Variants in CCDC170 observed in about 807,000 individuals in gnomAD.
The protein encoded by CCDC170 is coiled-coil domain containing 170.
CCDC170 carries 69 observed loss-of-function variants against 72.6 expected under a neutral mutation model. The observed-to-expected ratio is 0.95, with a 90% CI of 0.78 to 1.16. The LOEUF (loss-of-function observed/expected upper bound fraction) is 1.16. CCDC170 is among the 50% of genes most tolerant of loss of function. The pLI is 0.00. For missense variants in CCDC170, 852 were observed against 832.5 expected (o/e 1.02, Z -0.29); for synonymous variants, 300 against 303.9 (o/e 0.99, Z 0.13).
intron 9 of CCDC170, among the ~76,000 whole-genome samples, chr6:151,613,175 G>A (rs546669465): frequency 2.9e-4 from 44 of 152,286 alleles, no homozygotes; most frequent in East Asian, 3.9e-4. Context: ...AGGCTGAGGC[G>A]AGAGGATCAC....
intron 9 of CCDC170, among the ~76,000 whole-genome samples, chr6:151,614,156 A>G (rs1776919974): frequency 6.6e-6 from 1 of 152,216 alleles, no homozygotes; most frequent in African/African-American, 2.4e-5. Flanking sequence ...TATTAAGTGT[A>G]CAATTCCATG....
chr6:151,609,677 T>A (rs1296075293), intron 9 of CCDC170, among the ~76,000 whole-genome samples: 12 of 152,120 alleles, frequency 7.9e-5, no homozygotes, highest in Admixed American at 7.9e-4. Flanking sequence ...CTGAGCTGGG[T>A]CTGAGGAGTT....
chr6:151,572,661 T>TG (rs1776239247), intron 5 of CCDC170, among the ~76,000 whole-genome samples: 1 of 137,234 alleles, frequency 7.3e-6, no homozygotes, highest in Non-Finnish European at 1.6e-5. Flanking sequence ...TTTTTTTTTT[T>TG]TTTTTTTTGA....
rs1347546154 is a variant in CCDC170, at chr6:151,621,036, T to G, written c.*2889T>G. 6.6e-6 allele frequency: 1 copy of G among 152,192 alleles called. No homozygotes were observed. Among genetic ancestry groups the G allele is most frequent in the Admixed American group, 6.5e-5 (1 of 15,278 alleles). The allele number at this position is 152,192 out of a possible 1,614,324, so 9.4% of individuals were successfully genotyped here. A position where few individuals can be genotyped will look rare whatever the true frequency, so the allele number is the denominator to read the frequency against. On this transcript the variant is annotated 3_prime_UTR_variant, in exon 11 of 11. Coordinates refer to ENST00000239374, the MANE Select transcript of CCDC170 (RefSeq NM_025059.4). The stretch of plus-strand genomic sequence containing the variant: ...AACATACTCAGAAATATGAAAAATG[T>G]TTGAATATGATCTTTAGGGACTTCT...
At chr6:151,586,568 G>A (rs1776453935) in intron 7 of CCDC170, among the ~76,000 whole-genome samples, 1 of 151,994 alleles carries the variant, frequency 6.6e-6, no homozygotes, top group Admixed American at 6.6e-5. Flanking sequence ...GAAACAGTTT[G>A]AAGAAAGGCA....
At chr6:151,604,243 G>A (rs1017204957) in intron 9 of CCDC170, among the ~76,000 whole-genome samples, 1 of 152,058 alleles carries the variant, frequency 6.6e-6, no homozygotes, top group African/African-American at 2.4e-5. Flanking sequence ...CCAACCCAAC[G>A]AGTATAGCCT....
chr6:151,598,211 C>T (rs1214639650), intron 9 of CCDC170, among the ~76,000 whole-genome samples: 1 of 152,140 alleles, frequency 6.6e-6, no homozygotes, highest in Non-Finnish European at 1.5e-5. Flanking sequence ...TCAACAGTCC[C>T]TTTGCAACTT....
At chr6:151,550,905 A>G (rs1307654098) in intron 5 of CCDC170, among the ~76,000 whole-genome samples, 1 of 152,174 alleles carries the variant, frequency 6.6e-6, no homozygotes, top group African/African-American at 2.4e-5. Flanking sequence ...CCACCCACAA[A>G]TACCATCACA....
chr6:151,522,762 C>T (rs1782342231), intron 1 of CCDC170, among the ~76,000 whole-genome samples: 2 of 152,152 alleles, frequency 1.3e-5, no homozygotes, highest in South Asian at 2.1e-4. Context: ...AGTGCTATTC[C>T]TTTTGTGGCA....
intron 5 of CCDC170, among the ~76,000 whole-genome samples, chr6:151,564,903 G>A (rs1045761369): frequency 1.3e-5 from 2 of 152,196 alleles, no homozygotes; most frequent in Non-Finnish European, 2.9e-5. Context: ...TCCTGGAGGA[G>A]TGCTTTGATA....
chr6:151,508,374 C>T (rs1782094286), intron 1 of CCDC170, among the ~76,000 whole-genome samples: 1 of 151,958 alleles, frequency 6.6e-6, no homozygotes, highest in Non-Finnish European at 1.5e-5. Context: ...CCTGCCTCTC[C>T]TAAAAATACA....
At chr6:151,559,594 A>T (rs998716344) in intron 5 of CCDC170, among the ~76,000 whole-genome samples, 1 of 152,056 alleles carries the variant, frequency 6.6e-6, no homozygotes, top group Non-Finnish European at 1.5e-5. Context: ...AAGCTTTAAG[A>T]GTTTTTTTGG....
At chr6:151,585,855 A>T (rs917061417) in intron 6 of CCDC170, 34 bp from the exon 7 acceptor site, 4 of 1,601,220 alleles carry the variant, frequency 2.5e-6, no homozygotes, top group Non-Finnish European at 3.4e-6. Flanking sequence ...CATCTGAAAC[A>T]AGGCTTATTC....
At chr6:151,544,862 A>C in intron 4 of CCDC170, 146 bp downstream of exon 4, 1 of 653,832 alleles carries the variant, frequency 1.5e-6, no homozygotes, top group Non-Finnish European at 2.5e-6. Context: ...ATGACTTGGG[A>C]CAAGTCACGT....
At chr6:151,564,960 G>A (rs1776107008) in intron 5 of CCDC170, among the ~76,000 whole-genome samples, 2 of 152,160 alleles carry the variant, frequency 1.3e-5, no homozygotes, top group Admixed American at 1.3e-4. Flanking sequence ...AGAAGGTGGG[G>A]TTGCTTTTAG....
At position 151,529,760 on chromosome 6, in the gene CCDC170, C is replaced by T. The variant is rs145462450; in HGVS notation, c.58-6558C>T. Among the ~76,000 whole-genome samples, 1,059 of 152,258 alleles carry T rather than the reference C, an allele frequency of 7.0e-3. 10 individuals carry two copies. Among genetic ancestry groups the T allele is most frequent in the African/African-American group, 0.024 (996 of 41,550 alleles). On this transcript the variant is annotated intron_variant, in intron 1 of 10. Transcript: ENST00000239374. ...TAAAGGAGATAATTGGAGAGTGGAGCGGCAGTGTCTTAGTCCAGTTTCTGT... is the reference window on the plus strand; with the variant it reads ...TAAAGGAGATAATTGGAGAGTGGAGTGGCAGTGTCTTAGTCCAGTTTCTGT...
rs549912738 is a variant in CCDC170, at chr6:151,615,527, A to G, written c.1795A>G (p.Lys599Glu). Residue 599 changes from lysine (K) to glutamate (E), a missense_variant, in exon 10 of 11, where the codon AAA becomes GAA. Transcript: ENST00000239374. ...QLEKMKEKAE[K>E]KLMSVKSELD... ...GGAGAAGATGAAGGAGAAAGCTGAG[A>G]AAAAGCTCATGTCTGTCAAGTCAGA... The G allele has an allele frequency of 6.2e-7, 1 of 1,614,174 alleles. No individual in the cohort carries two copies. Among genetic ancestry groups the G allele is most frequent in the African/African-American group, 1.3e-5 (1 of 75,068 alleles).
At chr6:151,509,940 T>C (rs567185984) in intron 1 of CCDC170, among the ~76,000 whole-genome samples, 11 of 152,112 alleles carry the variant, frequency 7.2e-5, no homozygotes, top group Middle Eastern at 3.4e-3. Flanking sequence ...CTGGCCAACA[T>C]AGTGAAACTC....
At position 151,618,961 on chromosome 6, in the gene CCDC170, A is replaced by G. The variant is rs924288164; in HGVS notation, c.*814A>G. 2 of 131,862 alleles carry G rather than the reference A, an allele frequency of 1.5e-5. No homozygotes were observed. Among genetic ancestry groups the G allele is most frequent in the Non-Finnish European group, 3.1e-5 (2 of 64,478 alleles). The allele number at this position is 131,862 out of a possible 1,614,324, so 8.2% of individuals were successfully genotyped here. On this transcript the variant is annotated 3_prime_UTR_variant, in exon 11 of 11. Coordinates refer to ENST00000239374, the MANE Select transcript of CCDC170 (RefSeq NM_025059.4). ...GGCGGCAGTGAGCCAAGATTGTGCC[A>G]CTGCACTCCAGCCTGGGCGACAGAG... is the stretch of plus-strand genomic sequence containing the variant.
Sources: allele counts gnomAD v4.1 joint callset (sites outside exome capture counted in the v4.1 genomes callset), GRCh38; gene constraint gnomAD v4.1.1; transcripts MANE v1.5; gene names NCBI Gene and HGNC (gene_info 2026-07-23, HGNC 2026-07-21).